The following LGI2 variants were observed in gnomAD, a reference collection of about 807,000 sequenced individuals.
LGI2 encodes the protein leucine rich repeat LGI family member 2.
A neutral mutation model predicts 52.0 loss-of-function variants in LGI2; 30 were observed. The ratio of observed to expected loss-of-function variants is 0.58; its 90% confidence interval spans 0.43 to 0.78. LGI2 has a LOEUF of 0.78. LGI2 is among the 30% of genes least tolerant of loss of function. The pLI, the probability that LGI2 is intolerant of heterozygous loss-of-function variation, is 0.00. For missense variants in LGI2, 573 were observed against 692.5 expected (o/e 0.83, Z 1.94); for synonymous variants, 270 against 271.8 (o/e 0.99, Z 0.06).
chr4:25,009,282 A>G (rs1725496867), intron 7 of LGI2, among the ~76,000 whole-genome samples: 1 of 152,118 alleles, frequency 6.6e-6, no homozygotes. Context: ...GATGTTCTTC[A>G]AACAGGAAAG....
chr4:25,018,443 C>T (rs1002988967), intron 5 of LGI2, among the ~76,000 whole-genome samples: 3 of 152,196 alleles, frequency 2.0e-5, no homozygotes, highest in African/African-American at 7.2e-5. Context: ...CGTCTCCACG[C>T]CATGCCAGAA....
chr4:25,029,426 G>A (rs973039221), intron 1 of LGI2, among the ~76,000 whole-genome samples: 13 of 152,298 alleles, frequency 8.5e-5, no homozygotes, highest in Admixed American at 7.8e-4. Context: ...TTTGCCTTGG[G>A]TGGGAGGCTG....
At chr4:24,994,105 A>C (rs1724981489), downstream of LGI2, among the ~76,000 whole-genome samples, 1 of 152,228 alleles carries the variant, frequency 6.6e-6, no homozygotes, top group Non-Finnish European at 1.5e-5. Flanking sequence ...ACAAAACAGC[A>C]AATAAAAAAC....
At position 25,012,422 on chromosome 4, in the gene LGI2, C is replaced by G; in HGVS notation, c.733G>C (p.Ala245Pro). Residue 245 changes from alanine (A) to proline (P), a missense_variant, in exon 7 of 8, where the codon GCC becomes CCC. Ala to Pro is a conservative substitution (Grantham distance 27). Transcript: ENST00000382114. ...TFNSKNDVYVAIAQPSMENCM... is the reference protein window; with the variant it reads ...TFNSKNDVYVPIAQPSMENCM... ...TTCTCCATGCTGGGCTGCGCGATGGCCACGTACACATCGTTCTTGGAGTTG... is the reference window on the plus strand; with the variant it reads ...TTCTCCATGCTGGGCTGCGCGATGGGCACGTACACATCGTTCTTGGAGTTG... The G allele has an allele frequency of 1.2e-6, 2 of 1,614,226 alleles. No homozygotes were observed. The highest frequency in any genetic ancestry group is 1.7e-6 in the Non-Finnish European group (2 of 1,180,016).
intron 6 of LGI2, among the ~76,000 whole-genome samples, chr4:25,014,745 C>G (rs536742287): frequency 6.9e-6 from 1 of 145,630 alleles, no homozygotes; most frequent in African/African-American, 2.5e-5. Context: ...GTGGAAGGAT[C>G]GATTGAGCCC....
chr4:25,003,858 G>C lies in LGI2; in HGVS notation c.1231C>G (p.His411Asp). ...TCCTCCATGTTGGGGATGTCACCAT[G>C]GGGGACAAACTTCTTAGAGCTTTTA... The part of the protein sequence containing the change: ...WNKSSKKFVP[H>D]GDIPNMEDVL... The change falls in exon 8 of 8, where the codon CAT (histidine) becomes GAT (aspartate). Residue 411 changes from histidine to aspartate, a missense_variant. By Grantham distance (81) the His-to-Asp change is moderately conservative. Coordinates refer to ENST00000382114, the MANE Select transcript of LGI2 (RefSeq NM_018176.4). 6.2e-7 allele frequency: 1 copy of C among 1,614,166 alleles called. No individual in the cohort carries two copies. Among genetic ancestry groups the C allele is most frequent in the Non-Finnish European group, 8.5e-7 (1 of 1,180,040 alleles).
At chr4:25,013,363 A>G (rs897818946) in intron 6 of LGI2, among the ~76,000 whole-genome samples, 3 of 152,170 alleles carry the variant, frequency 2.0e-5, no homozygotes, top group Non-Finnish European at 2.9e-5. Flanking sequence ...GAGAAGGAGG[A>G]GAAAAGAGGC....
At chr4:25,030,114 G>T (rs988422921) in intron 1 of LGI2, among the ~76,000 whole-genome samples, 1 of 151,512 alleles carries the variant, frequency 6.6e-6, no homozygotes, top group Non-Finnish European at 1.5e-5. Context: ...ACACGCACAC[G>T]CCCTCTCAAA....
intron 4 of LGI2, 127 bp downstream of exon 4, chr4:25,024,693 A>G (rs4697526): frequency 0.033 from 20,076 of 606,126 alleles, 552 homozygotes; most frequent in East Asian, 0.099. Context: ...GACAACATAG[A>G]AACCTCTTGA....
downstream of LGI2, among the ~76,000 whole-genome samples, chr4:24,996,317 A>G (rs1314943280): frequency 6.6e-6 from 1 of 152,206 alleles, no homozygotes; most frequent in Non-Finnish European, 1.5e-5. Flanking sequence ...AGACTTTTGT[A>G]TACAGCACTG....
downstream of LGI2, among the ~76,000 whole-genome samples, chr4:24,997,643 T>C (rs1725118177): frequency 6.6e-6 from 1 of 152,176 alleles, no homozygotes; most frequent in African/African-American, 2.4e-5. Flanking sequence ...TTATGGTTAG[T>C]ATCGATTCTG....
chr4:25,021,700 G>A (rs1006307645), intron 4 of LGI2, among the ~76,000 whole-genome samples: 1 of 152,080 alleles, frequency 6.6e-6, no homozygotes, highest in Non-Finnish European at 1.5e-5. Context: ...GGGAGGCCGA[G>A]GTGGGTGGAT....
chr4:25,015,930 T>C (rs902372523), intron 6 of LGI2, among the ~76,000 whole-genome samples: 8 of 151,974 alleles, frequency 5.3e-5, no homozygotes, highest in African/African-American at 7.3e-5. Context: ...CTTAAAGGGA[T>C]AAAACCATAG....
rs755450485 is a variant in LGI2 at position 25,003,722 on chromosome 4, A to T, written c.1367T>A (p.Ile456Asn). Residue 456 changes from isoleucine to asparagine, a missense_variant, in exon 8 of 8, where the codon ATC becomes AAC. Transcript: ENST00000382114. ...MRWNSKQFVE[I>N]QALPSRGAMT... ...GGCCCCCCGGGATGGAAGAGCTTGG[A>T]TCTCCACAAACTGCTTACTGTTCCA... 6.8e-6 allele frequency: 11 copies of T among 1,614,074 alleles called. No individual in the cohort carries two copies.
At chr4:25,026,354 A>G (rs73250692) in intron 3 of LGI2, among the ~76,000 whole-genome samples, 34,265 of 151,840 alleles carry the variant, frequency 0.23, 4,637 homozygotes, top group Middle Eastern at 0.39. Context: ...CAAAAAAGGG[A>G]AAAATGACCT....
intron 4 of LGI2, among the ~76,000 whole-genome samples, chr4:25,020,323 T>G (rs941982606): frequency 6.6e-6 from 1 of 152,148 alleles, no homozygotes; most frequent in African/African-American, 2.4e-5. Flanking sequence ...TAGAGTAGAA[T>G]GCACAGCATC....
At chr4:25,006,821 G>C (rs1725405490) in intron 7 of LGI2, among the ~76,000 whole-genome samples, 1 of 152,200 alleles carries the variant, frequency 6.6e-6, no homozygotes, top group Non-Finnish European at 1.5e-5. Context: ...AAGTCACATA[G>C]CTAGTATGTG....
rs1242599535 is a variant in LGI2, at chr4:24,999,199, A to T, written c.*4252T>A. 6.6e-6 allele frequency: 1 copy of T among 152,190 alleles called. No individual in the cohort carries two copies. Among genetic ancestry groups the T allele is most frequent in the Non-Finnish European group, 1.5e-5 (1 of 68,054 alleles). The allele number at this position is 152,190 out of a possible 1,614,324, so 9.4% of individuals were successfully genotyped here. A position where few individuals can be genotyped will look rare whatever the true frequency, so the allele number is the denominator to read the frequency against. On this transcript the variant is annotated 3_prime_UTR_variant, in exon 8 of 8. Transcript: ENST00000382114. ...AATGGAATACAGTAAGGATAATAAT[A>T]ACTTGGTTTCGATCTCAGTAGCTTT...
At chr4:25,011,858 GTACT>G (rs1368279753) in intron 7 of LGI2, among the ~76,000 whole-genome samples, 1 of 152,152 alleles carries the variant, frequency 6.6e-6, no homozygotes, top group Non-Finnish European at 1.5e-5. Flanking sequence ...TATTTCGTAT[GTACT>G]TACTAAAAGA....
Sources: gnomAD v4.1 joint callset for allele counts (sites outside exome capture counted in the v4.1 genomes callset) on GRCh38, gnomAD v4.1.1 for gene constraint, MANE v1.5 for transcripts, NCBI Gene and HGNC (gene_info 2026-07-23, HGNC 2026-07-21) for gene names.